Variants in TRIM2 observed in about 807,000 individuals in gnomAD.
TRIM2 encodes tripartite motif containing 2.
In TRIM2, 20 loss-of-function variants were observed where a neutral mutation model predicts 75.2. The observed-to-expected ratio is 0.27, with a 90% confidence interval of 0.19 to 0.39. TRIM2 has a LOEUF of 0.39. Ranked by LOEUF, TRIM2 falls within the 10% of genes least tolerant of loss-of-function variation. The pLI is 1.00. For synonymous variants in TRIM2, 373 were observed against 388.3 expected (o/e 0.96, Z 0.46); for missense variants, 660 against 990.8 (o/e 0.67, Z 4.48).
intron 3 of TRIM2, among the ~76,000 whole-genome samples, chr4:153,279,101 A>T (rs1477776958): frequency 6.6e-6 from 1 of 152,200 alleles, no homozygotes; most frequent in African/African-American, 2.4e-5. Context: ...GCAGACACTA[A>T]AGGCTGGGAA....
intron 1 of TRIM2, among the ~76,000 whole-genome samples, chr4:153,208,024 C>G (rs920130209): frequency 3.3e-5 from 5 of 152,152 alleles, no homozygotes; most frequent in African/African-American, 1.2e-4. Flanking sequence ...TGGCCAGGTG[C>G]AGTGGTGAAC....
chr4:153,209,434 A>C (rs1334090019), intron 1 of TRIM2, among the ~76,000 whole-genome samples: 1 of 152,132 alleles, frequency 6.6e-6, no homozygotes, highest in East Asian at 1.9e-4. Context: ...TCTCACCTCA[A>C]GGCACATGCT....
chr4:153,250,062 G>T (rs1203690195), intron 1 of TRIM2, among the ~76,000 whole-genome samples: 5 of 152,078 alleles, frequency 3.3e-5, no homozygotes, highest in Non-Finnish European at 7.4e-5. Flanking sequence ...GTTATTACTT[G>T]GGCATTTAAT....
chr4:153,295,300 GGTTTTCCCGCAGGTCCTCCA>G lies in TRIM2; in HGVS notation c.787-10_796del. The G allele has an allele frequency of 6.4e-7, 1 of 1,569,648 alleles. No individual in the cohort carries two copies. Among genetic ancestry groups the G allele is most frequent in the Non-Finnish European group, 8.6e-7 (1 of 1,158,212 alleles). ...TGTGGGACGAGCTCACCAGGCCTCCGGTTTTCCCGCAGGTCCTCCAGTCGCAGCTGGATACTCTGCTCCAG... is the reference window on the plus strand; with the variant it reads ...TGTGGGACGAGCTCACCAGGCCTCCGGTCGCAGCTGGATACTCTGCTCCAG... On this transcript the variant is annotated splice_acceptor_variant and splice_polypyrimidine_tract_variant and coding_sequence_variant and intron_variant, in exon 6 of 12. Coordinates refer to ENST00000338700, the MANE Select transcript of TRIM2 (RefSeq NM_015271.5). LOFTEE classifies it high-confidence loss of function. This position sits in a 1 kb window ranked among gnomAD's most constrained non-coding sequence, Gnocchi z 7.2.
chr4:153,197,171 A>T, intron 1 of TRIM2, among the ~76,000 whole-genome samples: 1 of 152,226 alleles, frequency 6.6e-6, no homozygotes. Flanking sequence ...TGAAGAAATT[A>T]TGTAGAATAA....
intron 1 of TRIM2, among the ~76,000 whole-genome samples, chr4:153,196,281 A>T (rs1322798231): frequency 6.7e-6 from 1 of 149,142 alleles, no homozygotes; most frequent in South Asian, 2.1e-4. Context: ...CCACACACAC[A>T]CACACACAAA....
chr4:153,331,745 TTACTA>T (rs796832059), intron 11 of TRIM2, among the ~76,000 whole-genome samples: 1,743 of 152,328 alleles, frequency 0.011, 23 homozygotes, highest in East Asian at 0.076. Flanking sequence ...GCTATATGAC[TTACTA>T]TATAGTTACC....
At chr4:153,195,340 CCAT>C (rs1733659261) in intron 1 of TRIM2, among the ~76,000 whole-genome samples, 1 of 152,058 alleles carries the variant, frequency 6.6e-6, no homozygotes, top group Admixed American at 6.6e-5. Context: ...TGGCAAAACC[CCAT>C]CTCTACAAAA....
chr4:153,314,221 C>T (rs1202391747), intron 6 of TRIM2, among the ~76,000 whole-genome samples: 1 of 144,550 alleles, frequency 6.9e-6, no homozygotes, highest in African/African-American at 2.9e-5. Context: ...GAGATCGAGA[C>T]CATCCCGGCT....
chr4:153,317,157 G>A (rs1164210526), intron 8 of TRIM2, among the ~76,000 whole-genome samples: 3 of 150,274 alleles, frequency 2.0e-5, no homozygotes, highest in East Asian at 2.0e-4. Flanking sequence ...TGGGATTACA[G>A]GCGTGAGCCA....
At chr4:153,189,353 G>A (rs749972372) in intron 1 of TRIM2, among the ~76,000 whole-genome samples, 5 of 152,168 alleles carry the variant, frequency 3.3e-5, no homozygotes, top group African/African-American at 9.7e-5. Context: ...AAGCCAAAAC[G>A]TATTGAACTG....
chr4:153,306,209 TA>T, intron 6 of TRIM2, among the ~76,000 whole-genome samples: 1 of 152,216 alleles, frequency 6.6e-6, no homozygotes, highest in Non-Finnish European at 1.5e-5. Context: ...GGAAATTATT[TA>T]ACCTCTCTGT....
Position 153,338,678 on chromosome 4 carries a change from T to C in TRIM2, c.*3712T>C, listed in dbSNP as rs1046219468. On this transcript the variant is annotated 3_prime_UTR_variant, in exon 12 of 12. Transcript: ENST00000338700. ...GCTACAAATCATGATGCTTAAAAAC[T>C]TTCTAAAGATGAATTGTGTGGCAGT... The C allele has an allele frequency of 3.0e-6, 3 of 985,832 alleles. No individual in the cohort carries two copies. Among genetic ancestry groups the C allele is most frequent in the Non-Finnish European group, 3.6e-6 (3 of 829,912 alleles). 61.1% of individuals were successfully genotyped at this position (985,832 alleles called of 1,614,324 possible). A position where few individuals can be genotyped will look rare whatever the true frequency, so the allele number is the denominator to read the frequency against.
intron 6 of TRIM2, among the ~76,000 whole-genome samples, chr4:153,307,027 A>G (rs181562732): frequency 7.5e-4 from 114 of 152,304 alleles, no homozygotes; most frequent in African/African-American, 2.5e-3. Flanking sequence ...TGCTTCTAAT[A>G]CTTGAAAACT....
intron 1 of TRIM2, among the ~76,000 whole-genome samples, chr4:153,177,091 A>G (rs1479412787): frequency 1.3e-5 from 2 of 152,234 alleles, no homozygotes; most frequent in Non-Finnish European, 2.9e-5. Flanking sequence ...GAGAATCCCC[A>G]GCAACTGGCT....
chr4:153,278,193 C>A (rs905854538), intron 3 of TRIM2, among the ~76,000 whole-genome samples: 6 of 152,118 alleles, frequency 3.9e-5, no homozygotes, highest in African/African-American at 1.4e-4. Context: ...GAAGCCTCGA[C>A]CTCCTGGCTT....
chr4:153,299,229 G>A (rs1015335977), intron 6 of TRIM2, among the ~76,000 whole-genome samples: 1 of 152,062 alleles, frequency 6.6e-6, no homozygotes, highest in East Asian at 1.9e-4. Context: ...CCTCATATAA[G>A]TGAGATCATG....
chr4:153,178,933 T>C (rs1481125337), intron 1 of TRIM2, among the ~76,000 whole-genome samples: 4 of 152,160 alleles, frequency 2.6e-5, no homozygotes, highest in African/African-American at 9.7e-5. Flanking sequence ...GGTCTCAAGC[T>C]CCAACACTTT....
chr4:153,242,079 T>C (rs1034676505), intron 1 of TRIM2, among the ~76,000 whole-genome samples: 3 of 152,234 alleles, frequency 2.0e-5, no homozygotes, highest in African/African-American at 7.2e-5. Flanking sequence ...ATGCTGGCCA[T>C]CTGATGCCAA....
Sources: allele counts gnomAD v4.1 joint callset (sites outside exome capture counted in the v4.1 genomes callset), GRCh38; gene constraint gnomAD v4.1.1; non-coding constraint Gnocchi (gnomAD v3.1); transcripts MANE v1.5; gene names NCBI Gene and HGNC (gene_info 2026-07-23, HGNC 2026-07-21).